APBB1IP: variants seen among roughly 807,000 people sequenced by gnomAD.
The protein encoded by APBB1IP is amyloid beta A4 precursor protein-binding family B member 1-interacting protein.
APBB1IP carries 27 observed loss-of-function variants against 64.9 expected under a neutral mutation model. The ratio of observed to expected loss-of-function variants is 0.42; its 90% CI spans 0.31 to 0.57. The LOEUF (loss-of-function observed/expected upper bound fraction) is 0.57, where lower values mean the gene tolerates loss of function less well. Among genes scored for constraint, APBB1IP ranks in the 20% least tolerant of loss-of-function variants. APBB1IP has a pLI of 0.20. For missense variants in APBB1IP, 812 were observed against 845.5 expected (o/e 0.96, Z 0.49); for synonymous variants, 392 against 331.0 (o/e 1.18, Z -2.00).
intron 2 of APBB1IP, among the ~76,000 whole-genome samples, chr10:26,482,283 T>C (rs1835844345): frequency 6.6e-6 from 1 of 152,220 alleles, no homozygotes; most frequent in Non-Finnish European, 1.5e-5. Flanking sequence ...TCCGTAACTT[T>C]AGAGATGCTT....
chr10:26,458,972 G>T (rs1268877843), intron 2 of APBB1IP, among the ~76,000 whole-genome samples: 1 of 151,338 alleles, frequency 6.6e-6, no homozygotes, highest in Non-Finnish European at 1.5e-5. Flanking sequence ...GAGTTTTAGG[G>T]TACATGTGCA....
At chr10:26,550,140 A>T (rs12262504) in intron 11 of APBB1IP, among the ~76,000 whole-genome samples, 4,296 of 150,200 alleles carry the variant, frequency 0.029, 189 homozygotes, top group African/African-American at 0.099. Context: ...GAATTCCCTT[A>T]TGTGTTATTT....
intron 6 of APBB1IP, among the ~76,000 whole-genome samples, chr10:26,508,614 A>G (rs1481669563): frequency 1.3e-5 from 2 of 150,874 alleles, no homozygotes; most frequent in African/African-American, 4.8e-5. Context: ...TTAGCTTACT[A>G]AATCACATAA....
chr10:26,471,685 T>C (rs1011006608), intron 2 of APBB1IP, among the ~76,000 whole-genome samples: 1 of 151,776 alleles, frequency 6.6e-6, no homozygotes, highest in Non-Finnish European at 1.5e-5. Context: ...CTGTTTAAGC[T>C]TTTTTTGTTT....
rs1837069188 is a variant in APBB1IP, at chr10:26,567,380, C to T, written c.1893C>T (p.Pro631=). The T allele has an allele frequency of 6.3e-7, 1 of 1,579,882 alleles. No individual in the cohort carries two copies. Among genetic ancestry groups the T allele is most frequent in the Non-Finnish European group, 8.6e-7 (1 of 1,159,514 alleles). ...PAVAKRPPVP[P]KRQENPGHPG... ...TGGCCAAGAGGCCTCCTGTGCCCCC[C>T]AAGAGGCAAGAGAACCCAGGGCACC... The change falls in exon 15 of 15, where the codon CCC becomes CCT. Residue 631 remains proline (P), a synonymous_variant. Coordinates refer to ENST00000376236, the MANE Select transcript of APBB1IP (RefSeq NM_019043.4).
At chr10:26,532,148 C>A (rs1836562701) in intron 8 of APBB1IP, among the ~76,000 whole-genome samples, 1 of 152,154 alleles carries the variant, frequency 6.6e-6, no homozygotes, top group South Asian at 2.1e-4. Flanking sequence ...TGCCTAGATT[C>A]AGTAGGGTCC....
intron 6 of APBB1IP, among the ~76,000 whole-genome samples, chr10:26,510,008 C>T (rs1836232505): frequency 6.6e-6 from 1 of 152,098 alleles, no homozygotes; most frequent in East Asian, 1.9e-4. Flanking sequence ...CTCGCTCCAC[C>T]CCCCATGCTG....
rs1429951217 is a variant in APBB1IP at position 26,536,137 on chromosome 10, G to T, written c.964G>T (p.Asp322Tyr). 6 of 1,604,534 alleles carry T rather than the reference G, an allele frequency of 3.7e-6. No individual in the cohort carries two copies. Among genetic ancestry groups the T allele is most frequent in the Non-Finnish European group, 5.1e-6 (6 of 1,176,030 alleles). The change falls in exon 10 of 15, where the codon GAT becomes TAT. Residue 322 changes from aspartate to tyrosine, a missense_variant. This residue lies in a region of APBB1IP where 394 missense variants were observed against 413.1 expected (regional missense o/e 0.95). Coordinates refer to ENST00000376236, the MANE Select transcript of APBB1IP (RefSeq NM_019043.4). ...ELEGALYLKE[D>Y]GKKSWKRRYF... ...GGAAGGAGCTCTTTATTTGAAAGAAGATGGAAAGAAATCCTGGAAAAGGCG... is the reference window on the plus strand; with the variant it reads ...GGAAGGAGCTCTTTATTTGAAAGAATATGGAAAGAAATCCTGGAAAAGGCG...
chr10:26,439,043 C>T (rs4353177), intron 2 of APBB1IP, among the ~76,000 whole-genome samples, 190 bp downstream of exon 2: 1 of 152,138 alleles, frequency 6.6e-6, no homozygotes, highest in African/African-American at 2.4e-5. Flanking sequence ...CCGCTGATCT[C>T]CACTCTGGAC....
chr10:26,534,495 ACCTGGTGATGC>A (rs1465976497), intron 9 of APBB1IP, among the ~76,000 whole-genome samples: 1 of 151,874 alleles, frequency 6.6e-6, no homozygotes, highest in Admixed American at 6.6e-5. Flanking sequence ...AAATCAGAAG[ACCTGGTGATGC>A]CCTCGGCATC....
chr10:26,477,651 A>G (rs1835790673), intron 2 of APBB1IP, among the ~76,000 whole-genome samples: 2 of 152,246 alleles, frequency 1.3e-5, no homozygotes, highest in South Asian at 4.1e-4. Flanking sequence ...TGACCAAGGT[A>G]GGCACTATGC....
intron 2 of APBB1IP, among the ~76,000 whole-genome samples, chr10:26,445,124 AAAGAAAAGAAAG>A (rs1477436261): frequency 1.1e-4 from 7 of 65,934 alleles, no homozygotes; most frequent in South Asian, 7.0e-4. Context: ...AGAAAGAAAG[AAAGAAAAGAAAG>A]AAAGAAAGAA....
chr10:26,560,062 A>T (rs1836947313), intron 11 of APBB1IP, 43 bp from the exon 12 acceptor site: 2 of 1,534,740 alleles, frequency 1.3e-6, no homozygotes, highest in African/African-American at 1.4e-5. Flanking sequence ...ACCTCCTAAT[A>T]CATGACAAGT....
Position 26,567,066 on chromosome 10 carries a change from G to A in APBB1IP, c.1579G>A (p.Asp527Asn), listed in dbSNP as rs1261634049. The A allele has an allele frequency of 1.3e-6, 2 of 1,493,104 alleles. No homozygotes were observed. Among genetic ancestry groups the A allele is most frequent in the African/African-American group, 1.5e-5 (1 of 66,588 alleles). 92.5% of individuals were successfully genotyped at this position (1,493,104 alleles called of 1,614,324 possible). ...PPPPPVRRSS[D>N]TSGSPATPLK... The stretch of plus-strand genomic sequence containing the variant: ...GCCCCCTCCGGTGCGGAGGTCCTCC[G>A]ACACCAGCGGCAGTCCCGCCACGCC... The change falls in exon 15 of 15, where the codon GAC (aspartate) becomes AAC (asparagine). Residue 527 changes from aspartate (D) to asparagine (N), a missense_variant. Asp to Asn is a conservative substitution (Grantham distance 23). Coordinates refer to ENST00000376236, the MANE Select transcript of APBB1IP (RefSeq NM_019043.4).
intron 5 of APBB1IP, among the ~76,000 whole-genome samples, chr10:26,502,919 A>G (rs1836124667): frequency 6.6e-6 from 1 of 152,206 alleles, no homozygotes; most frequent in Non-Finnish European, 1.5e-5. Context: ...AGCTATAAAG[A>G]GTGACTGCCT....
At chr10:26,548,261 T>A (rs1452965031) in intron 11 of APBB1IP, among the ~76,000 whole-genome samples, 2 of 152,138 alleles carry the variant, frequency 1.3e-5, no homozygotes, top group African/African-American at 4.8e-5. Context: ...TATGTATACA[T>A]GTGCCATGTT....
chr10:26,534,873 G>T (rs1478888649), intron 9 of APBB1IP, among the ~76,000 whole-genome samples: 1 of 152,162 alleles, frequency 6.6e-6, no homozygotes, highest in Non-Finnish European at 1.5e-5. Flanking sequence ...TCTAATTGGG[G>T]TCAAAACTCT....
intron 4 of APBB1IP, among the ~76,000 whole-genome samples, chr10:26,496,966 T>C (rs1292237383): frequency 1.3e-5 from 2 of 152,050 alleles, no homozygotes; most frequent in African/African-American, 2.4e-5. Context: ...GGCAAGAGGA[T>C]TGCTTGAGCT....
intron 2 of APBB1IP, among the ~76,000 whole-genome samples, chr10:26,478,806 T>C (rs956486742): frequency 3.3e-5 from 5 of 151,568 alleles, no homozygotes; most frequent in African/African-American, 1.2e-4. Flanking sequence ...GCTGGTAAGG[T>C]AGATAGGGAT....
Sources: gnomAD v4.1 joint callset for allele counts (sites outside exome capture counted in the v4.1 genomes callset) on GRCh38, gnomAD v4.1.1 for gene constraint, gnomAD v4.1.1 regional missense constraint, MANE v1.5 for transcripts, NCBI Gene and HGNC (gene_info 2026-07-23, HGNC 2026-07-21) for gene names.